The following KRT8 variants were observed in gnomAD, a reference collection of about 807,000 sequenced individuals.
KRT8 encodes keratin, type II cytoskeletal 8.
Under a neutral mutation model 43.0 loss-of-function variants are expected in KRT8, and 24 were observed. The observed-to-expected ratio is 0.56, with a 90% confidence interval of 0.40 to 0.78. The LOEUF (loss-of-function observed/expected upper bound fraction) is 0.78, where lower values mean the gene tolerates loss of function less well. KRT8 is among the 30% of genes least tolerant of loss of function. The pLI is 0.00. For synonymous variants in KRT8, 214 were observed against 261.2 expected, an observed-to-expected ratio of 0.82 and a Z score of 1.74; for missense variants, 492 against 638.4, an observed-to-expected ratio of 0.77 and a Z score of 2.47.
intron 2 of KRT8, among the ~76,000 whole-genome samples, chr12:52,918,180 G>GGAAGAAGAAGAAGAA (rs869098018): frequency 0.032 from 2,327 of 73,794 alleles, 379 homozygotes; most frequent in East Asian, 0.076. Context: ...AAGAGGAAGA[G>GGAAGAAGAAGAAGAA]GAAGAAGAAG....
intron 2 of KRT8, among the ~76,000 whole-genome samples, chr12:52,916,853 G>A (rs896964543): frequency 2.0e-5 from 3 of 152,210 alleles, no homozygotes; most frequent in African/African-American, 7.2e-5. Context: ...ATGCAAGGAG[G>A]TGCCTGGGAT....
chr12:52,937,412 G>T (rs1176651578), intron 2 of KRT8, among the ~76,000 whole-genome samples: 12 of 151,590 alleles, frequency 7.9e-5, no homozygotes, highest in Non-Finnish European at 1.8e-4. Context: ...ATGGGGCAGG[G>T]TGCAGTGGCT....
intron 2 of KRT8, chr12:52,948,738 C>T (rs1341794149): frequency 2.5e-6 from 1 of 400,494 alleles, no homozygotes; most frequent in African/African-American, 2.1e-5. Context: ...GATCCGCCCA[C>T]CTAGGCCTCC....
At chr12:52,918,051 AGG>A (rs1475693381) in intron 2 of KRT8, among the ~76,000 whole-genome samples, 2 of 143,772 alleles carry the variant, frequency 1.4e-5, no homozygotes, top group Admixed American at 7.1e-5. Context: ...GAAGAAGAAG[AGG>A]AAGAAGAAGG....
intron 2 of KRT8, among the ~76,000 whole-genome samples, chr12:52,937,200 G>A (rs1359236736): frequency 6.6e-6 from 1 of 151,542 alleles, no homozygotes; most frequent in Non-Finnish European, 1.5e-5. Context: ...GTGAAACCCT[G>A]TCTCTACTGA....
chr12:52,940,610 A>G (rs1942251857), intron 2 of KRT8, among the ~76,000 whole-genome samples: 1 of 148,178 alleles, frequency 6.7e-6, no homozygotes, highest in African/African-American at 2.5e-5. Flanking sequence ...ACTTGACTAT[A>G]AAAGAACACA....
intron 2 of KRT8, among the ~76,000 whole-genome samples, chr12:52,922,689 C>T (rs1017164119): frequency 1.3e-5 from 2 of 152,066 alleles, no homozygotes; most frequent in African/African-American, 2.4e-5. Flanking sequence ...AATAAATAAA[C>T]AAACCTATAA....
chr12:52,903,398 A>T (rs1941424414), intron 1 of KRT8: 1 of 152,348 alleles, frequency 6.6e-6, no homozygotes, highest in South Asian at 2.1e-4. Context: ...CCCCAGGGCT[A>T]GCAAAACGCA....
At chr12:52,914,897 G>C (rs1001007063) in intron 2 of KRT8, among the ~76,000 whole-genome samples, 1 of 152,104 alleles carries the variant, frequency 6.6e-6, no homozygotes, top group Non-Finnish European at 1.5e-5. Context: ...CCTCTTTCCC[G>C]ATGCTTCCTG....
intron 2 of KRT8, among the ~76,000 whole-genome samples, chr12:52,925,439 T>A (rs1304581928): frequency 6.6e-6 from 1 of 152,096 alleles, no homozygotes; most frequent in Non-Finnish European, 1.5e-5. Flanking sequence ...ATGGCGCCAT[T>A]TAGGGTCTGA....
chr12:52,898,434 C>T, intron 7 of KRT8, 27 bp downstream of exon 7: 2 of 1,608,096 alleles, frequency 1.2e-6, no homozygotes, highest in East Asian at 2.2e-5. Context: ...GCCTCCCGCC[C>T]TCATCCCAGG....
chr12:52,908,952 T>C (rs367968652), upstream of KRT8, among the ~76,000 whole-genome samples: 1 of 152,176 alleles, frequency 6.6e-6, no homozygotes, highest in South Asian at 2.1e-4. Flanking sequence ...GCCGCATGCA[T>C]TGAGCCAAGA....
At chr12:52,900,346 T>G (rs1288646090) in intron 4 of KRT8, among the ~76,000 whole-genome samples, 1 of 152,210 alleles carries the variant, frequency 6.6e-6, no homozygotes, top group Non-Finnish European at 1.5e-5. Flanking sequence ...ATACGTTATT[T>G]CACTTCTCTG....
At chr12:52,911,725 C>T (rs937964983), upstream of KRT8, among the ~76,000 whole-genome samples, 9 of 152,042 alleles carry the variant, frequency 5.9e-5, no homozygotes, top group East Asian at 7.7e-4. Flanking sequence ...TCCAGTATAA[C>T]GATGGAGAAC....
chr12:52,909,790 C>T (rs1055757829), upstream of KRT8, among the ~76,000 whole-genome samples: 48 of 152,152 alleles, frequency 3.2e-4, 1 homozygote, highest in African/African-American at 1.1e-3. Context: ...AGATGAAAAT[C>T]TGTGAATGTT....
intron 2 of KRT8, among the ~76,000 whole-genome samples, chr12:52,923,952 C>T (rs954525776): frequency 2.0e-4 from 30 of 151,304 alleles, no homozygotes; most frequent in African/African-American, 6.6e-4. Flanking sequence ...TCAAGCGATT[C>T]TCCTGCCTCA....
intron 2 of KRT8, chr12:52,901,494 G>A: frequency 1.8e-6 from 1 of 554,750 alleles, no homozygotes; most frequent in Non-Finnish European, 3.2e-6. Context: ...TGAGACCTCA[G>A]ACAGAACTTT....
chr12:52,945,887 C>G (rs750422233), intron 2 of KRT8, among the ~76,000 whole-genome samples: 25 of 152,224 alleles, frequency 1.6e-4, no homozygotes, highest in Non-Finnish European at 1.0e-4. Flanking sequence ...TTCCCACCCC[C>G]ACCCCAGAAC....
intron 2 of KRT8, among the ~76,000 whole-genome samples, chr12:52,936,857 T>C (rs1376266196): frequency 1.3e-5 from 2 of 152,080 alleles, no homozygotes; most frequent in Non-Finnish European, 2.9e-5. Context: ...ATCCATAAAA[T>C]AAAAACTTGA....
Sources: allele counts gnomAD v4.1 joint callset (sites outside exome capture counted in the v4.1 genomes callset), GRCh38; gene constraint gnomAD v4.1.1; transcripts MANE v1.5; gene names NCBI Gene and HGNC (gene_info 2026-07-23, HGNC 2026-07-21).